Variants in KIF2A observed in about 807,000 individuals in gnomAD.
KIF2A encodes the protein kinesin-like protein KIF2A.
KIF2A carries 22 observed loss-of-function variants against 100.2 expected under a neutral mutation model. The observed-to-expected ratio is 0.22, with a 90% CI of 0.16 to 0.31. The LOEUF is 0.31. KIF2A is among the 10% of genes least tolerant of loss of function. KIF2A has a pLI of 1.00. For missense variants in KIF2A, 495 were observed against 898.7 expected, an observed-to-expected ratio of 0.55 and a Z score of 5.74; for synonymous variants, 268 against 285.9, an observed-to-expected ratio of 0.94 and a Z score of 0.63.
intron 16 of KIF2A, 72 bp from the exon 17 acceptor site, chr5:62,372,366 G>T (rs756972973): frequency 2.7e-6 from 2 of 747,810 alleles, no homozygotes; most frequent in Non-Finnish European, 4.6e-6. Context: ...AATACTAAAT[G>T]AAAATGTGCA....
chr5:62,324,878 C>T (rs1272687425), intron 1 of KIF2A, among the ~76,000 whole-genome samples: 1 of 152,108 alleles, frequency 6.6e-6, no homozygotes, highest in East Asian at 1.9e-4. Context: ...AATTAAAGAG[C>T]TTCTGCACAG....
At chr5:62,323,124 C>T (rs1231945773) in intron 1 of KIF2A, among the ~76,000 whole-genome samples, 2 of 151,296 alleles carry the variant, frequency 1.3e-5, no homozygotes, top group South Asian at 2.1e-4. Context: ...GGCATGGTGG[C>T]GCATGCCTGT....
intron 4 of KIF2A, among the ~76,000 whole-genome samples, chr5:62,351,891 C>T (rs1056442687): frequency 2.0e-5 from 3 of 152,102 alleles, no homozygotes; most frequent in Admixed American, 6.6e-5. Flanking sequence ...TGGTGGCTCA[C>T]GCCTTTAATC....
intron 1 of KIF2A, among the ~76,000 whole-genome samples, chr5:62,339,094 A>G (rs1580042789): frequency 6.6e-6 from 1 of 152,246 alleles, no homozygotes; most frequent in Non-Finnish European, 1.5e-5. Context: ...GGTAATTTAT[A>G]AAGAAAAGAG....
intron 1 of KIF2A, among the ~76,000 whole-genome samples, chr5:62,320,163 A>T (rs1251166752): frequency 1.3e-5 from 2 of 152,156 alleles, no homozygotes; most frequent in Non-Finnish European, 2.9e-5. Context: ...AGAACTTTTG[A>T]GTAGATAAAT....
chr5:62,334,288 G>A (rs1746814450), intron 1 of KIF2A, among the ~76,000 whole-genome samples: 1 of 151,896 alleles, frequency 6.6e-6, no homozygotes, highest in African/African-American at 2.4e-5. Flanking sequence ...CTTGGGTCCA[G>A]GTCATGATGC....
chr5:62,331,325 C>T (rs572786574), intron 1 of KIF2A, among the ~76,000 whole-genome samples: 40 of 151,886 alleles, frequency 2.6e-4, no homozygotes, highest in Admixed American at 2.2e-3. Context: ...GCAGGAGAAT[C>T]GCTTGAACTG....
chr5:62,365,510 G>C (rs1023800034), intron 15 of KIF2A, among the ~76,000 whole-genome samples, 157 bp downstream of exon 15: 1 of 152,208 alleles, frequency 6.6e-6, no homozygotes, highest in Middle Eastern at 3.2e-3. Flanking sequence ...CACTCTGATA[G>C]AGAGGATTAT....
chr5:62,347,357 A>T, intron 2 of KIF2A, 133 bp downstream of exon 2: 1 of 583,744 alleles, frequency 1.7e-6, no homozygotes, highest in Non-Finnish European at 3.0e-6. Context: ...CTTTCAAATG[A>T]TTAAAAATTT....
rs778065208 is a variant in KIF2A, at chr5:62,306,553, G to T, written c.64+17G>T. On this transcript the variant is annotated intron_variant, in intron 1 of 20. Transcript: ENST00000407818. ...GCAGCGATGGTGAGCCGCGCTGCCAGCCCCGCTGGCCCGCTCGGCCCCGTG... is the reference window on the plus strand; with the variant it reads ...GCAGCGATGGTGAGCCGCGCTGCCATCCCCGCTGGCCCGCTCGGCCCCGTG... 7.1e-6 allele frequency: 11 copies of T among 1,541,044 alleles called. No homozygotes were observed. Among genetic ancestry groups the T allele is most frequent in the African/African-American group, 2.8e-5 (2 of 71,910 alleles).
rs1741996203 is a variant in KIF2A at position 62,385,744 on chromosome 5, T to C, written c.*175T>C. The C allele has an allele frequency of 3.4e-6, 2 of 584,900 alleles. No homozygotes were observed. 36.2% of individuals were successfully genotyped at this position (584,900 alleles called of 1,614,324 possible). ...CACTCTTTTGTCTACAAAATGCTTC[T>C]AGTCCAGGAGGCACAACCAAGAACT... On this transcript the variant is annotated 3_prime_UTR_variant, in exon 21 of 21. Coordinates refer to ENST00000407818, the MANE Select transcript of KIF2A (RefSeq NM_001098511.3).
At chr5:62,320,405 G>C (rs978824339) in intron 1 of KIF2A, among the ~76,000 whole-genome samples, 3 of 152,182 alleles carry the variant, frequency 2.0e-5, no homozygotes, top group Non-Finnish European at 4.4e-5. Context: ...AATTGTGTAT[G>C]TGTAATTTTG....
At chr5:62,364,636 G>T (rs533629362) in intron 14 of KIF2A, among the ~76,000 whole-genome samples, 1 of 152,224 alleles carries the variant, frequency 6.6e-6, no homozygotes, top group East Asian at 1.9e-4. Context: ...TTTTCTTTTG[G>T]AGTGCCATGT....
intron 14 of KIF2A, 149 bp from the exon 15 acceptor site, chr5:62,365,092 CAA>C: frequency 1.2e-5 from 5 of 405,466 alleles, no homozygotes; most frequent in South Asian, 5.2e-5. Context: ...GACTTTGTCT[CAA>C]AAAAAAAATA....
At chr5:62,315,356 G>A (rs1299998278) in intron 1 of KIF2A, among the ~76,000 whole-genome samples, 1 of 151,852 alleles carries the variant, frequency 6.6e-6, no homozygotes, top group Non-Finnish European at 1.5e-5. Context: ...TTACTTTAAG[G>A]CACCTAACAT....
intron 1 of KIF2A, among the ~76,000 whole-genome samples, chr5:62,345,604 C>T (rs1441580683): frequency 6.6e-6 from 1 of 152,094 alleles, no homozygotes; most frequent in East Asian, 1.9e-4. Context: ...TTGAGACCAG[C>T]CTTGGCAACA....
chr5:62,337,045 T>G (rs1746991330), intron 1 of KIF2A, among the ~76,000 whole-genome samples: 2 of 146,648 alleles, frequency 1.4e-5, no homozygotes, highest in African/African-American at 5.2e-5. Flanking sequence ...AATACTATAA[T>G]TATTAAGGAA....
At chr5:62,330,446 C>G (rs1483630086) in intron 1 of KIF2A, among the ~76,000 whole-genome samples, 1 of 152,156 alleles carries the variant, frequency 6.6e-6, no homozygotes. Context: ...TCAATGTGTT[C>G]TGAGGTAATT....
intron 5 of KIF2A, chr5:62,353,041 A>G: frequency 2.3e-6 from 1 of 429,044 alleles, no homozygotes; most frequent in Non-Finnish European, 4.1e-6. Context: ...TTCTAAACCA[A>G]GAGATGACAT....
Sources: allele counts gnomAD v4.1 joint callset (sites outside exome capture counted in the v4.1 genomes callset), GRCh38; gene constraint gnomAD v4.1.1; transcripts MANE v1.5; gene names NCBI Gene and HGNC (gene_info 2026-07-23, HGNC 2026-07-21).